MPHOSPH9: variants seen among roughly 807,000 people sequenced by gnomAD.
The protein encoded by MPHOSPH9 is M-phase phosphoprotein 9.
MPHOSPH9 carries 88 observed loss-of-function variants against 145.5 expected under a neutral mutation model. That is an observed-to-expected ratio of 0.60 (90% CI 0.51 to 0.72). The LOEUF is 0.72. Among genes scored for constraint, MPHOSPH9 ranks in the 30% least tolerant of loss-of-function variants. MPHOSPH9 has a pLI of 0.00. For synonymous variants in MPHOSPH9, 435 were observed against 486.2 expected, an observed-to-expected ratio of 0.89 and a Z score of 1.39; for missense variants, 1,238 against 1,386.6, an observed-to-expected ratio of 0.89 and a Z score of 1.70.
intron 3 of MPHOSPH9, among the ~76,000 whole-genome samples, chr12:123,225,088 T>C (rs181194974): frequency 1.2e-3 from 183 of 152,346 alleles, no homozygotes; most frequent in African/African-American, 4.4e-3. Context: ...GTAGGTTATA[T>C]TACCTATGAA....
In MPHOSPH9 at chr12:123,229,866, G is replaced by A. The variant is rs193084325; in HGVS notation, c.104+395C>T. ...AGACAGAGTGTCGCTCTGTCGCCCA[G>A]GCTGGAGTGCAGTGGCGCAATCTTG... On this transcript the variant is annotated intron_variant, in intron 2 of 23. Transcript: ENST00000606320. Among the ~76,000 whole-genome samples, 4 of 138,718 alleles carry A rather than the reference G, an allele frequency of 2.9e-5. No individual in the cohort carries two copies. The East Asian group carries it at 9.0e-4, about 31-fold the overall frequency. The allele number at this position is 138,718 out of a possible 152,430, so 91.0% of individuals were successfully genotyped here. A position where few individuals can be genotyped will look rare whatever the true frequency, so the allele number is the denominator to read the frequency against.
At chr12:123,204,195 G>A (rs1198690266) in intron 8 of MPHOSPH9, among the ~76,000 whole-genome samples, 2 of 151,914 alleles carry the variant, frequency 1.3e-5, no homozygotes, top group African/African-American at 4.8e-5. Context: ...CCAGCTACAA[G>A]GGAAGCTGAG....
At chr12:123,212,159 A>T (rs2046752960) in intron 7 of MPHOSPH9, among the ~76,000 whole-genome samples, 1 of 152,156 alleles carries the variant, frequency 6.6e-6, no homozygotes, top group Non-Finnish European at 1.5e-5. Context: ...AGATTTTAAA[A>T]TAGGATAAAG....
At chr12:123,225,783 C>A (rs1036511916) in intron 3 of MPHOSPH9, among the ~76,000 whole-genome samples, 1 of 152,178 alleles carries the variant, frequency 6.6e-6, no homozygotes, top group African/African-American at 2.4e-5. Context: ...TGCCTGTAAT[C>A]CCAGCACTTT....
chr12:123,156,896 C>G lies in MPHOSPH9; in HGVS notation c.3463G>C (p.Asp1155His). ...TCTCGATTAATCCTTTCCAAACGAT[C>G]TTCCAAGGCTTCCTAGGTGAAAACA... is the stretch of plus-strand genomic sequence containing the variant. ...QTRLNQEALE[D>H]RLERINRELG... The change falls in exon 24 of 24, where the codon GAT (aspartate) becomes CAT (histidine). Residue 1155 changes from aspartate (D) to histidine (H), a missense_variant. Coordinates refer to ENST00000606320, the MANE Select transcript of MPHOSPH9 (RefSeq NM_022782.4). The G allele has an allele frequency of 6.2e-7, 1 of 1,604,544 alleles. No homozygotes were observed. Among genetic ancestry groups the G allele is most frequent in the Non-Finnish European group, 8.5e-7 (1 of 1,172,980 alleles).
intron 3 of MPHOSPH9, among the ~76,000 whole-genome samples, chr12:123,225,086 T>C (rs1290034113): frequency 1.3e-5 from 2 of 152,240 alleles, no homozygotes; most frequent in Non-Finnish European, 2.9e-5. Flanking sequence ...AGGTAGGTTA[T>C]ATTACCTATG....
Position 123,223,112 on chromosome 12 carries a change from G to T in MPHOSPH9, c.274C>A (p.Leu92Ile). Residue 92 changes from leucine to isoleucine, a missense_variant, in exon 4 of 24, where the codon CTA becomes ATA. Physicochemically the swap from Leu to Ile is conservative, Grantham distance 5. Transcript: ENST00000606320. ...WKNCETRWLQ[L>I]FNLVEKQCQE... is the part of the protein sequence containing the mutation. The stretch of plus-strand genomic sequence containing the variant: ...CATTGTTTTTCCACCAAATTGAATA[G>T]CTGTAACCACCTGGTCTATTAAATT... The T allele has an allele frequency of 1.4e-6, 2 of 1,444,434 alleles. No homozygotes were observed. The highest frequency in any genetic ancestry group is 1.8e-6 in the Non-Finnish European group (2 of 1,107,918). 89.5% of individuals were successfully genotyped at this position (1,444,434 alleles called of 1,614,324 possible). A position where few individuals can be genotyped will look rare whatever the true frequency, so the allele number is the denominator to read the frequency against.
At chr12:123,180,049 T>A in intron 14 of MPHOSPH9, 59 bp from the exon 15 acceptor site, 1 of 907,832 alleles carries the variant, frequency 1.1e-6, no homozygotes, top group Non-Finnish European at 1.6e-6. Context: ...TGAATTATTT[T>A]AAAATGCATA....
Position 123,162,136 on chromosome 12 carries a change from GA to G in MPHOSPH9, c.3111del (p.Leu1038PhefsTer3). The G allele has an allele frequency of 6.3e-7, 1 of 1,580,566 alleles. No homozygotes were observed. The highest frequency in any genetic ancestry group is 1.2e-5 in the South Asian group (1 of 83,680). On this transcript the variant is annotated frameshift_variant, in exon 21 of 24. Transcript: ENST00000606320. LOFTEE classifies it high-confidence loss of function. The part of the protein sequence containing the change: ...QRTNPRKQLQ[F>X]LPLDDSEEKT... ...ATACCTTCCGAGTCATCTAGAGGAA[GA>G]AACTGGAGTTGCTTTCTTGGATTGG...
intron 8 of MPHOSPH9, among the ~76,000 whole-genome samples, chr12:123,209,729 GTT>G (rs1240616813): frequency 4.9e-4 from 65 of 132,110 alleles, no homozygotes; most frequent in Non-Finnish European, 6.0e-4. Flanking sequence ...TGTGTGTTTT[GTT>G]TTGTTGTTTT....
In MPHOSPH9 at chr12:123,214,737, A is replaced by G. The variant is rs758140482; in HGVS notation, c.1087+7T>C. On this transcript the variant is annotated splice_region_variant and intron_variant, in intron 7 of 23. Transcript: ENST00000606320. ...GGTTAAAAAAAATAAAAATGTAAGT[A>G]TCATACCTGTTCCTGAATCAGACAT... is the stretch of plus-strand genomic sequence containing the variant. 3.8e-6 allele frequency: 6 copies of G among 1,599,626 alleles called. No individual in the cohort carries two copies. The Admixed American group carries it at 5.0e-5, about 13-fold the overall frequency.
chr12:123,210,484 G>A (rs945299159), intron 7 of MPHOSPH9, among the ~76,000 whole-genome samples: 1 of 152,042 alleles, frequency 6.6e-6, no homozygotes, highest in African/African-American at 2.4e-5. Flanking sequence ...CCTAACGTCA[G>A]GAGTTTGAGA....
intron 16 of MPHOSPH9, among the ~76,000 whole-genome samples, chr12:123,170,934 A>C (rs1790098): frequency 0.64 from 97,687 of 152,112 alleles, 35,853 homozygotes; most frequent in East Asian, 1. Flanking sequence ...AATTTTAAAT[A>C]TAACCTGTCC....
At chr12:123,178,739 GTCTTGAACTCCTGACCTCAGGTAA>G (rs1209521814) in intron 15 of MPHOSPH9, among the ~76,000 whole-genome samples, 1 of 152,140 alleles carries the variant, frequency 6.6e-6, no homozygotes, top group African/African-American at 2.4e-5. Flanking sequence ...AGCCAGGCTG[GTCTTGAACTCCTGACCTCAGGTAA>G]TCTTCCCACC....
intron 1 of MPHOSPH9, among the ~76,000 whole-genome samples, chr12:123,239,393 A>G (rs1477215213): frequency 7.6e-5 from 9 of 118,514 alleles, no homozygotes; most frequent in Non-Finnish European, 1.8e-4. Context: ...TGTGGGTAGC[A>G]TTAGTTTTGT....
At chr12:123,163,203 A>G in intron 19 of MPHOSPH9, 69 bp from the exon 20 acceptor site, 1 of 1,432,628 alleles carries the variant, frequency 7.0e-7, no homozygotes, top group African/African-American at 1.5e-5. Flanking sequence ...TTTCTTATTC[A>G]GTATTTTTTT....
At chr12:123,182,263 T>TTC (rs2045214010) in intron 13 of MPHOSPH9, among the ~76,000 whole-genome samples, 6 of 81,722 alleles carry the variant, frequency 7.3e-5, no homozygotes, top group Admixed American at 1.4e-4. Context: ...TTTTTTTTGT[T>TTC]TTTTTTTTTT....
chr12:123,238,536 C>T (rs951285618), intron 1 of MPHOSPH9, among the ~76,000 whole-genome samples: 13 of 151,658 alleles, frequency 8.6e-5, no homozygotes, highest in South Asian at 2.1e-4. Context: ...TTTTTGAGAC[C>T]GAGGCAGGCA....
chr12:123,216,134 C>T (rs2046950331), intron 6 of MPHOSPH9, among the ~76,000 whole-genome samples: 1 of 152,092 alleles, frequency 6.6e-6, no homozygotes, highest in South Asian at 2.1e-4. Context: ...TTTTCTAGAG[C>T]TACCAATATA....
Sources: allele counts gnomAD v4.1 joint callset (sites outside exome capture counted in the v4.1 genomes callset), GRCh38; gene constraint gnomAD v4.1.1; transcripts MANE v1.5; gene names NCBI Gene and HGNC (gene_info 2026-07-23, HGNC 2026-07-21).